The following CHURC1 variants were observed in gnomAD, a reference collection of about 807,000 sequenced individuals.
The protein encoded by CHURC1 is churchill domain containing 1.
A neutral mutation model predicts 15.4 loss-of-function variants in CHURC1; 12 were observed. That is an observed-to-expected ratio of 0.78 (90% CI 0.50 to 1.27). CHURC1 has a LOEUF of 1.27. CHURC1 is among the 50% of genes most tolerant of loss of function. The pLI, the probability that CHURC1 is intolerant of heterozygous loss-of-function variation, is 0.00. For synonymous variants in CHURC1, 42 were observed against 47.5 expected, an observed-to-expected ratio of 0.88 and a Z score of 0.48; for missense variants, 132 against 137.8, an observed-to-expected ratio of 0.96 and a Z score of 0.21.
chr14:64,933,864 C>T lies in CHURC1; in HGVS notation c.*1634C>T, dbSNP rs1885206511. ...TCTGAGCTTTATTAAGTACTTACTA[C>T]ATGCTAAGAGCTTTTTAAGCACTTA... is the stretch of plus-strand genomic sequence containing the variant. On this transcript the variant is annotated 3_prime_UTR_variant, in exon 4 of 4. Coordinates refer to ENST00000549115, the MANE Select transcript of CHURC1 (RefSeq NM_001386928.1). 1.0e-6 allele frequency: 1 copy of T among 983,342 alleles called. No individual in the cohort carries two copies. The highest frequency in any genetic ancestry group is 1.2e-6 in the Non-Finnish European group (1 of 828,194). The allele number at this position is 983,342 out of a possible 1,614,324, so 60.9% of individuals were successfully genotyped here. A position where few individuals can be genotyped will look rare whatever the true frequency, so the allele number is the denominator to read the frequency against.
In CHURC1 at chr14:64,934,374, A is replaced by G. The variant is rs747178925; in HGVS notation, c.*2144A>G. ...AAAACAAAAACAAAACAAAACAACA[A>G]CAAAAAAAGAAGTTAAATAACTTGT... is the stretch of plus-strand genomic sequence containing the variant. On this transcript the variant is annotated 3_prime_UTR_variant, in exon 4 of 4. Coordinates refer to ENST00000549115, the MANE Select transcript of CHURC1 (RefSeq NM_001386928.1). 4.6e-4 allele frequency: 438 copies of G among 949,474 alleles called. No individual in the cohort carries two copies. Among genetic ancestry groups the G allele is most frequent in the Non-Finnish European group, 5.3e-4 (423 of 797,462 alleles). The allele number at this position is 949,474 out of a possible 1,614,324, so 58.8% of individuals were successfully genotyped here.
At chr14:64,917,536 A>G (rs1318144807) in intron 1 of CHURC1, among the ~76,000 whole-genome samples, 1 of 152,112 alleles carries the variant, frequency 6.6e-6, no homozygotes. Context: ...GCTCTCCACC[A>G]TGGGTGACAA....
chr14:64,932,126 A>G lies in CHURC1; in HGVS notation c.247-12A>G, dbSNP rs1233006858. Reference sequence around the variant, plus strand: ...GTTCCTCTAGGTAATTATGCACTTTATCTTGTTCTAGGAGTATACCATGCT... The same window carrying G: ...GTTCCTCTAGGTAATTATGCACTTTGTCTTGTTCTAGGAGTATACCATGCT... On this transcript the variant is annotated splice_polypyrimidine_tract_variant and intron_variant, in intron 3 of 3. Coordinates refer to ENST00000549115, the MANE Select transcript of CHURC1 (RefSeq NM_001386928.1). 6.2e-7 allele frequency: 1 copy of G among 1,609,974 alleles called. No individual in the cohort carries two copies. The highest frequency in any genetic ancestry group is 1.3e-5 in the African/African-American group (1 of 74,908).
chr14:64,934,833 A>G lies in CHURC1; in HGVS notation c.*2603A>G, dbSNP rs537783213. ...AATGTCCTCATCTATTGCAGAATGT[A>G]TAATTATCTATTTGTTTTGGACTAT... On this transcript the variant is annotated 3_prime_UTR_variant, in exon 4 of 4. Coordinates refer to ENST00000549115, the MANE Select transcript of CHURC1 (RefSeq NM_001386928.1). 2.0e-5 allele frequency: 20 copies of G among 985,124 alleles called. No homozygotes were observed. The South Asian group carries it at 9.4e-4, about 46-fold the overall frequency. The allele number at this position is 985,124 out of a possible 1,614,324, so 61.0% of individuals were successfully genotyped here.
At position 64,927,726 on chromosome 14, in the gene CHURC1, CCG is replaced by C. The variant is rs1243404121; in HGVS notation, c.246+1648_246+1649del. 4.7e-4 allele frequency among the ~76,000 whole-genome samples: 55 copies of C among 115,846 alleles called. 2 individuals carry two copies. The highest frequency in any genetic ancestry group is 8.1e-4 in the Non-Finnish European group (44 of 54,398). 76.0% of individuals were successfully genotyped at this position (115,846 alleles called of 152,430 possible). ...TCTACTTCTCCCCCCACCCCCCCCCCCGCCGTCAATTCATACTCCATACTCTA... is the reference window on the plus strand; with the variant it reads ...TCTACTTCTCCCCCCACCCCCCCCCCCCGTCAATTCATACTCCATACTCTA... On this transcript the variant is annotated intron_variant, in intron 3 of 3. Transcript: ENST00000549115.
At chr14:64,914,643 C>G in intron 1 of CHURC1, 109 bp downstream of exon 1, 2 of 1,568,250 alleles carry the variant, frequency 1.3e-6, no homozygotes, top group Non-Finnish European at 1.7e-6. Context: ...GCCGCACTGC[C>G]GGTCCCGGTG....
In CHURC1 at chr14:64,934,866, A is replaced by G. The variant is rs960145200; in HGVS notation, c.*2636A>G. The G allele has an allele frequency of 1.0e-5, 10 of 984,738 alleles. No individual in the cohort carries two copies. In the East Asian group the frequency reaches 1.0e-3, roughly 101 times the overall value. The allele number at this position is 984,738 out of a possible 1,614,324, so 61.0% of individuals were successfully genotyped here. On this transcript the variant is annotated 3_prime_UTR_variant, in exon 4 of 4. Transcript: ENST00000549115. ...CTATTTGTTTTGGACTATATGTTAC[A>G]AAAATTTAAAACATAAGATCCTCTC... is the stretch of plus-strand genomic sequence containing the variant.
At chr14:64,924,528 T>C (rs1211276520) in intron 2 of CHURC1, 1 of 152,560 alleles carries the variant, frequency 6.6e-6, no homozygotes. Flanking sequence ...GCTATTAAAG[T>C]GTTTAGGGCT....
At chr14:64,918,998 G>A (rs1361220857) in intron 1 of CHURC1, among the ~76,000 whole-genome samples, 5 of 152,146 alleles carry the variant, frequency 3.3e-5, no homozygotes, top group Admixed American at 3.3e-4. Flanking sequence ...ATGGGGCTCT[G>A]GCCTACTTGC....
intron 1 of CHURC1, among the ~76,000 whole-genome samples, chr14:64,918,737 G>A (rs1399898571): frequency 6.6e-6 from 1 of 152,108 alleles, no homozygotes; most frequent in African/African-American, 2.4e-5. Flanking sequence ...AGAGGCTAAG[G>A]CAGGAGGATT....
In CHURC1 at chr14:64,935,059, T is replaced by C; in HGVS notation, c.*2829T>C. On this transcript the variant is annotated 3_prime_UTR_variant, in exon 4 of 4. Coordinates refer to ENST00000549115, the MANE Select transcript of CHURC1 (RefSeq NM_001386928.1). The stretch of plus-strand genomic sequence containing the variant: ...GGGACATGGATGAAATTGGAAATCT[T>C]CATTCTCAGTAAACTATCGCAAGGA... 1.1e-6 allele frequency: 1 copy of C among 924,284 alleles called. No individual in the cohort carries two copies. The highest frequency in any genetic ancestry group is 6.2e-5 in the Admixed American group (1 of 16,194). 57.3% of individuals were successfully genotyped at this position (924,284 alleles called of 1,614,324 possible). A position where few individuals can be genotyped will look rare whatever the true frequency, so the allele number is the denominator to read the frequency against.
At chr14:64,929,552 TG>T (rs894530442) in intron 3 of CHURC1, among the ~76,000 whole-genome samples, 6 of 152,078 alleles carry the variant, frequency 3.9e-5, no homozygotes, top group African/African-American at 1.4e-4. Context: ...AAGTTCAAGG[TG>T]GGATTCCCAG....
chr14:64,921,844 C>G (rs1220132291), intron 1 of CHURC1, among the ~76,000 whole-genome samples: 1 of 152,208 alleles, frequency 6.6e-6, no homozygotes, highest in Non-Finnish European at 1.5e-5. Flanking sequence ...ACATGAATCT[C>G]TATAGCTGCT....
rs1885243322 is a variant in CHURC1, at chr14:64,934,659, A to C, written c.*2429A>C. ...ACCTGCTGAGGAAATCGTTTGGTGA[A>C]ATGAATCCAGAAAGCAGAGAAAATG... On this transcript the variant is annotated 3_prime_UTR_variant, in exon 4 of 4. Transcript: ENST00000549115. 1 of 985,304 alleles carries C rather than the reference A, an allele frequency of 1.0e-6. No homozygotes were observed. The highest frequency in any genetic ancestry group is 1.7e-5 in the African/African-American group (1 of 57,248). 61.0% of individuals were successfully genotyped at this position (985,304 alleles called of 1,614,324 possible).
At chr14:64,922,035 A>G (rs1884341904) in intron 1 of CHURC1, among the ~76,000 whole-genome samples, 1 of 152,226 alleles carries the variant, frequency 6.6e-6, no homozygotes, top group African/African-American at 2.4e-5. Flanking sequence ...GATTCTGTTT[A>G]TATAAAATTC....
Position 64,914,667 on chromosome 14 carries a change from A to T in CHURC1, c.39+133A>T, listed in dbSNP as rs925717753. The T allele has an allele frequency of 7.8e-5, 118 of 1,515,982 alleles. 1 individual carries two copies. The highest frequency in any genetic ancestry group is 7.0e-4 in the South Asian group (56 of 80,204). 93.9% of individuals were successfully genotyped at this position (1,515,982 alleles called of 1,614,324 possible). ...CCGGTCCCGGTGACCCAGTAGCGGT[A>T]TTTAGGCACACCAGGGATGGCCTGT... On this transcript the variant is annotated intron_variant, in intron 1 of 3. Coordinates refer to ENST00000549115, the MANE Select transcript of CHURC1 (RefSeq NM_001386928.1).
intron 1 of CHURC1, among the ~76,000 whole-genome samples, chr14:64,914,919 T>G (rs1299561732): frequency 6.6e-6 from 1 of 152,224 alleles, no homozygotes; most frequent in Non-Finnish European, 1.5e-5. Context: ...GGTCATCTGT[T>G]CTAACACTTT....
At chr14:64,917,787 A>C (rs561160524) in intron 1 of CHURC1, among the ~76,000 whole-genome samples, 1 of 152,356 alleles carries the variant, frequency 6.6e-6, no homozygotes, top group African/African-American at 2.4e-5. Context: ...GGAGACCTAT[A>C]CATGATCACA....
chr14:64,925,986 G>A (rs762473697), intron 2 of CHURC1, 24 bp from the exon 3 acceptor site: 27 of 1,543,198 alleles, frequency 1.7e-5, no homozygotes, highest in Middle Eastern at 1.7e-4. Flanking sequence ...ACTTAATTAC[G>A]TAAGTCTCTC....
Sources: allele counts gnomAD v4.1 joint callset (sites outside exome capture counted in the v4.1 genomes callset), GRCh38; gene constraint gnomAD v4.1.1; transcripts MANE v1.5; gene names NCBI Gene and HGNC (gene_info 2026-07-23, HGNC 2026-07-21).